Variants in PXDNL observed in about 807,000 individuals in gnomAD.
PXDNL encodes the protein peroxidasin like, also known as probable oxidoreductase PXDNL.
PXDNL carries 145 observed loss-of-function variants against 150.8 expected under a neutral mutation model. The observed-to-expected ratio is 0.96, with a 90% CI of 0.84 to 1.10. The LOEUF is 1.10. PXDNL is among the 50% of genes least tolerant of loss of function. PXDNL has a pLI of 0.00. For missense variants in PXDNL, 2,087 were observed against 1,873.9 expected, an observed-to-expected ratio of 1.11 and a Z score of -2.10; for synonymous variants, 757 against 725.7, an observed-to-expected ratio of 1.04 and a Z score of -0.69.
chr8:51,486,844 A>G, intron 5 of PXDNL, among the ~76,000 whole-genome samples: 1 of 112,892 alleles, frequency 8.9e-6, no homozygotes, highest in Admixed American at 1.3e-4. Flanking sequence ...CACTCTTGCC[A>G]GGCTGCAGTG....
chr8:51,324,235 GTT>G (rs1171979295), intron 21 of PXDNL, among the ~76,000 whole-genome samples: 1 of 152,120 alleles, frequency 6.6e-6, no homozygotes, highest in Non-Finnish European at 1.5e-5. Flanking sequence ...TCTGAAAATA[GTT>G]TTATTTCTTC....
At chr8:51,660,216 C>G (rs1032569166) in intron 1 of PXDNL, among the ~76,000 whole-genome samples, 1 of 151,938 alleles carries the variant, frequency 6.6e-6, no homozygotes, top group Non-Finnish European at 1.5e-5. Flanking sequence ...AAATAGTGTG[C>G]GCAGTACAGA....
intron 1 of PXDNL, among the ~76,000 whole-genome samples, chr8:51,687,050 G>C (rs1815892616): frequency 1.3e-5 from 2 of 151,980 alleles, no homozygotes; most frequent in Admixed American, 6.6e-5. Flanking sequence ...AATAACCAAA[G>C]GAATGCAAAT....
chr8:51,430,005 C>A (rs957937416), intron 12 of PXDNL, among the ~76,000 whole-genome samples: 4 of 152,104 alleles, frequency 2.6e-5, no homozygotes, highest in Non-Finnish European at 5.9e-5. Flanking sequence ...GGTCAGCCTA[C>A]GTGCCAGTGA....
At chr8:51,419,924 T>A (rs1808903354) in intron 14 of PXDNL, among the ~76,000 whole-genome samples, 1 of 152,218 alleles carries the variant, frequency 6.6e-6, no homozygotes, top group African/African-American at 2.4e-5. Context: ...TCTTACAGGT[T>A]ATTTATGTAA....
intron 2 of PXDNL, among the ~76,000 whole-genome samples, chr8:51,633,604 A>T (rs983810895): frequency 1.3e-5 from 2 of 152,110 alleles, no homozygotes; most frequent in African/African-American, 4.8e-5. Context: ...AGCTATGGTC[A>T]TGTCACTGCA....
chr8:51,353,245 A>G (rs1222770863), intron 19 of PXDNL, among the ~76,000 whole-genome samples: 1 of 150,524 alleles, frequency 6.6e-6, no homozygotes, highest in East Asian at 1.9e-4. Flanking sequence ...TCCTTCCTTT[A>G]TTTTTTAAGC....
At chr8:51,465,500 A>G (rs1314620346) in intron 8 of PXDNL, among the ~76,000 whole-genome samples, 1 of 152,196 alleles carries the variant, frequency 6.6e-6, no homozygotes, top group Non-Finnish European at 1.5e-5. Flanking sequence ...AAAACAAGAC[A>G]AGAATGTCCA....
intron 2 of PXDNL, among the ~76,000 whole-genome samples, chr8:51,634,657 G>T (rs1181427175): frequency 6.6e-6 from 1 of 152,034 alleles, no homozygotes; most frequent in African/African-American, 2.4e-5. Flanking sequence ...ATTTCTTTCA[G>T]CAGTGTTTTG....
At chr8:51,765,871 T>C (rs1172695259) in intron 1 of PXDNL, among the ~76,000 whole-genome samples, 2 of 150,314 alleles carry the variant, frequency 1.3e-5, no homozygotes, top group African/African-American at 2.5e-5. Context: ...TGAGATGGAG[T>C]CTCACTCTAT....
At chr8:51,609,846 G>T (rs1295508655) in intron 2 of PXDNL, among the ~76,000 whole-genome samples, 1 of 152,164 alleles carries the variant, frequency 6.6e-6, no homozygotes, top group Non-Finnish European at 1.5e-5. Flanking sequence ...GTAGAGAAGT[G>T]CTTCTGATAT....
At chr8:51,453,377 C>T in intron 10 of PXDNL, 142 bp downstream of exon 10, 1 of 937,992 alleles carries the variant, frequency 1.1e-6, no homozygotes, top group Non-Finnish European at 1.6e-6. Context: ...AACAGATTAG[C>T]TTTGAAAATC....
intron 21 of PXDNL, among the ~76,000 whole-genome samples, chr8:51,323,955 A>AATAAT (rs555092626): frequency 1.3e-5 from 2 of 150,774 alleles, no homozygotes; most frequent in Non-Finnish European, 2.9e-5. Context: ...AAATAAAAAA[A>AATAAT]AAAAGAATCT....
At chr8:51,639,307 CA>C (rs1438715238) in intron 2 of PXDNL, among the ~76,000 whole-genome samples, 1 of 152,066 alleles carries the variant, frequency 6.6e-6, no homozygotes, top group Non-Finnish European at 1.5e-5. Context: ...AAAGCACGAG[CA>C]AACACATTCA....
intron 1 of PXDNL, among the ~76,000 whole-genome samples, chr8:51,699,429 G>A (rs1816205904): frequency 6.6e-6 from 1 of 152,152 alleles, no homozygotes; most frequent in Non-Finnish European, 1.5e-5. Flanking sequence ...GAGGGTGTGG[G>A]CCTTACTCTG....
chr8:51,654,634 C>T (rs1815113781), intron 2 of PXDNL, 55 bp downstream of exon 2: 2 of 1,325,654 alleles, frequency 1.5e-6, no homozygotes, highest in East Asian at 2.3e-5. Context: ...CGGTAAATTG[C>T]CATCCAACCA....
intron 12 of PXDNL, among the ~76,000 whole-genome samples, chr8:51,442,197 C>T (rs77846928): frequency 0.013 from 2,045 of 151,562 alleles, 42 homozygotes; most frequent in African/African-American, 0.047. Context: ...CATTAATTCC[C>T]AGATAAAATG....
intron 1 of PXDNL, among the ~76,000 whole-genome samples, chr8:51,695,624 A>C (rs1816104198): frequency 6.6e-6 from 1 of 152,206 alleles, no homozygotes; most frequent in African/African-American, 2.4e-5. Flanking sequence ...CAGCATGCTC[A>C]TTAACTGTTC....
intron 1 of PXDNL, among the ~76,000 whole-genome samples, chr8:51,754,255 GA>G (rs572993060): frequency 6.6e-6 from 1 of 151,040 alleles, no homozygotes; most frequent in Non-Finnish European, 1.5e-5. Flanking sequence ...GATTGTCAGT[GA>G]AAAAAAAATG....
Sources: allele counts gnomAD v4.1 joint callset (sites outside exome capture counted in the v4.1 genomes callset), GRCh38; gene constraint gnomAD v4.1.1; transcripts MANE v1.5; gene names NCBI Gene and HGNC (gene_info 2026-07-23, HGNC 2026-07-21).